ZNF136: variants seen among roughly 807,000 people sequenced by gnomAD.
ZNF136 encodes the protein zinc finger protein 136 (clone pHZ-20).
In ZNF136, 8 loss-of-function variants were observed where a neutral mutation model predicts 11.4. The ratio of observed to expected loss-of-function variants is 0.70; its 90% CI spans 0.41 to 1.27. The LOEUF (loss-of-function observed/expected upper bound fraction) is 1.27, where lower values mean the gene tolerates loss of function less well. Among genes scored for constraint, ZNF136 ranks in the 50% most tolerant of loss-of-function variants. The pLI, the probability that ZNF136 is intolerant of heterozygous loss-of-function variation, is 0.01. For synonymous variants in ZNF136, 190 were observed against 207.1 expected (o/e 0.92, Z 0.71); for missense variants, 590 against 656.5 (o/e 0.90, Z 1.11).
At chr19:12,166,881 G>C (rs1001445076) in intron 1 of ZNF136, among the ~76,000 whole-genome samples, 4 of 152,174 alleles carry the variant, frequency 2.6e-5, no homozygotes, top group Admixed American at 2.0e-4. Context: ...CTTGACTGGG[G>C]TGCAGAGGCC....
intron 1 of ZNF136, among the ~76,000 whole-genome samples, chr19:12,171,388 A>G (rs1914650174): frequency 6.6e-6 from 1 of 152,184 alleles, no homozygotes; most frequent in Admixed American, 6.6e-5. Flanking sequence ...CTGACCATGT[A>G]TGCATGTGTA....
rs1915189805 is a variant in ZNF136 at position 12,188,958 on chromosome 19, T to G, written c.*957T>G. On this transcript the variant is annotated 3_prime_UTR_variant, in exon 4 of 4. Transcript: ENST00000343979. The stretch of plus-strand genomic sequence containing the variant: ...TATTTTGTTAATTAGTGGCTCATAT[T>G]TAAAATAGTTCTCTGACTATGGATT... The G allele has an allele frequency of 6.6e-6, 1 of 152,236 alleles. No individual in the cohort carries two copies. The highest frequency in any genetic ancestry group is 6.5e-5 in the Admixed American group (1 of 15,284). 9.4% of individuals were successfully genotyped at this position (152,236 alleles called of 1,614,324 possible).
chr19:12,187,884 A>T lies in ZNF136; in HGVS notation c.1506A>T (p.Lys502Asn). 1 of 1,600,434 alleles carries T rather than the reference A, an allele frequency of 6.2e-7. No individual in the cohort carries two copies. Among genetic ancestry groups the T allele is most frequent in the Non-Finnish European group, 8.5e-7 (1 of 1,175,788 alleles). ...RLHERTHTGQKPYHCKECGKA... is the reference protein window; with the variant it reads ...RLHERTHTGQNPYHCKECGKA... The stretch of plus-strand genomic sequence containing the variant: ...ATGAAAGGACTCACACTGGACAGAA[A>T]CCCTATCATTGCAAGGAATGTGGGA... The change falls in exon 4 of 4, where the codon AAA becomes AAT. Residue 502 changes from lysine to asparagine, a missense_variant. Transcript: ENST00000343979.
intron 1 of ZNF136, 137 bp from the exon 2 acceptor site, chr19:12,185,648 A>C: frequency 9.1e-7 from 1 of 1,098,816 alleles, no homozygotes; most frequent in Non-Finnish European, 1.3e-6. Flanking sequence ...GTGTGGAAGG[A>C]AGTGAGTATG....
chr19:12,179,303 CTT>C, intron 1 of ZNF136, among the ~76,000 whole-genome samples: 2 of 141,406 alleles, frequency 1.4e-5, no homozygotes, highest in South Asian at 2.3e-4. Context: ...AAAAGAATTT[CTT>C]TTTTTTTTTT....
At chr19:12,181,251 C>T (rs891002477) in intron 1 of ZNF136, among the ~76,000 whole-genome samples, 1 of 152,058 alleles carries the variant, frequency 6.6e-6, no homozygotes, top group Non-Finnish European at 1.5e-5. Context: ...CTGGAGGGGC[C>T]CAGGCCTCCT....
intron 1 of ZNF136, among the ~76,000 whole-genome samples, chr19:12,163,430 C>T (rs1456104741): frequency 6.6e-6 from 1 of 152,244 alleles, no homozygotes; most frequent in East Asian, 1.9e-4. Flanking sequence ...GATTGCGGCC[C>T]CGGCCCCGAA....
rs766952855 is a variant in ZNF136 at position 12,187,147 on chromosome 19, T to C, written c.769T>C (p.Cys257Arg). The C allele has an allele frequency of 6.2e-7, 1 of 1,614,136 alleles. No homozygotes were observed. The highest frequency in any genetic ancestry group is 8.5e-7 in the Non-Finnish European group (1 of 1,180,016). ...TGDGPYKCKV[C>R]GKPFHSLSSF... ...AGATGGACCTTATAAATGTAAGGTA[T>C]GTGGGAAACCCTTTCATTCTCTGAG... The change falls in exon 4 of 4, where the codon TGT (cysteine) becomes CGT (arginine). Residue 257 changes from cysteine (C) to arginine (R), a missense_variant. Physicochemically the swap from Cys to Arg is radical, Grantham distance 180. Coordinates refer to ENST00000343979, the MANE Select transcript of ZNF136 (RefSeq NM_003437.5).
intron 1 of ZNF136, chr19:12,184,557 A>T (rs1019942636): frequency 1.0e-5 from 1 of 96,348 alleles, no homozygotes; most frequent in Non-Finnish European, 2.0e-5. Flanking sequence ...GACTCCGTCT[A>T]AAAAAAAAAA....
chr19:12,184,869 C>T (rs1260511291), intron 1 of ZNF136: 1 of 152,144 alleles, frequency 6.6e-6, no homozygotes, highest in Non-Finnish European at 1.5e-5. Flanking sequence ...TTACATAGGT[C>T]ATTGGGCTCC....
At position 12,188,804 on chromosome 19, in the gene ZNF136, A is replaced by G. The variant is rs1455707171; in HGVS notation, c.*803A>G. 6.6e-6 allele frequency: 1 copy of G among 152,150 alleles called. No individual in the cohort carries two copies. The highest frequency in any genetic ancestry group is 1.5e-5 in the Non-Finnish European group (1 of 68,026). The allele number at this position is 152,150 out of a possible 1,614,324, so 9.4% of individuals were successfully genotyped here. On this transcript the variant is annotated 3_prime_UTR_variant, in exon 4 of 4. Transcript: ENST00000343979. The stretch of plus-strand genomic sequence containing the variant: ...AAGACCTCATCTCAGAAAAAAAAAA[A>G]AAGTCATTTGAAAACTTCTAATACA...
intron 1 of ZNF136, among the ~76,000 whole-genome samples, chr19:12,166,274 AT>A (rs1194292841): frequency 3.3e-5 from 5 of 152,056 alleles, no homozygotes; most frequent in African/African-American, 1.2e-4. Context: ...ACAAATTCTT[AT>A]TTTCTTTTAT....
At position 12,183,152 on chromosome 19, in the gene ZNF136, T is replaced by G. The variant is rs187380323; in HGVS notation, c.4-2633T>G. ...GTTGTTGTTGTTGTTGTTTTGTTTTTTTTTGGTTTGTTTGTTTGAGACACA... is the reference window on the plus strand; with the variant it reads ...GTTGTTGTTGTTGTTGTTTTGTTTTGTTTTGGTTTGTTTGTTTGAGACACA... On this transcript the variant is annotated intron_variant, in intron 1 of 3. Transcript: ENST00000343979. Among the ~76,000 whole-genome samples, 367 of 152,216 alleles carry G rather than the reference T, an allele frequency of 2.4e-3. 8 individuals carry two copies. The East Asian group carries it at 0.05, about 21-fold the overall frequency.
Position 12,186,592 on chromosome 19 carries a change from T to A in ZNF136, c.214T>A (p.Tyr72Asn). 6.2e-7 allele frequency: 1 copy of A among 1,612,734 alleles called. No homozygotes were observed. Among genetic ancestry groups the A allele is most frequent in the Non-Finnish European group, 8.5e-7 (1 of 1,179,242 alleles). ...CAGAAGTCATATGTTAGAAAGACTC[T>A]ATCAAACTAAGGATGGTAGTCAGCG... ...NLRSHMLERL[Y>N]QTKDGSQRGG... Residue 72 changes from tyrosine (Y) to asparagine (N), a missense_variant, in exon 4 of 4, where the codon TAT becomes AAT. Coordinates refer to ENST00000343979, the MANE Select transcript of ZNF136 (RefSeq NM_003437.5).
chr19:12,187,722 T>C lies in ZNF136; in HGVS notation c.1344T>C (p.Tyr448=), dbSNP rs1407824670. The C allele has an allele frequency of 1.2e-6, 2 of 1,613,786 alleles. No homozygotes were observed. The highest frequency in any genetic ancestry group is 2.2e-5 in the East Asian group (1 of 44,852). Residue 448 remains tyrosine, a synonymous_variant, in exon 4 of 4, where the codon TAT becomes TAC. Coordinates refer to ENST00000343979, the MANE Select transcript of ZNF136 (RefSeq NM_003437.5). ...HERTHTGEKP[Y]ECKQCGKAFS... ...GAACTCATACTGGAGAGAAACCCTATGAGTGTAAGCAATGTGGGAAAGCCT... is the reference window on the plus strand; with the variant it reads ...GAACTCATACTGGAGAGAAACCCTACGAGTGTAAGCAATGTGGGAAAGCCT...
chr19:12,176,470 G>C (rs1379672983), intron 1 of ZNF136, among the ~76,000 whole-genome samples: 1 of 152,002 alleles, frequency 6.6e-6, no homozygotes, highest in Non-Finnish European at 1.5e-5. Flanking sequence ...GGGATTACAG[G>C]CGCTTGCCAC....
At chr19:12,186,530 A>G (rs1464238903) in intron 3 of ZNF136, 40 bp from the exon 4 acceptor site, 2 of 1,475,936 alleles carry the variant, frequency 1.4e-6, no homozygotes, top group Non-Finnish European at 1.8e-6. Flanking sequence ...ATATAAAATG[A>G]TTAACAAATC....
chr19:12,175,211 G>A (rs1241360648), intron 1 of ZNF136, among the ~76,000 whole-genome samples: 1 of 150,362 alleles, frequency 6.7e-6, no homozygotes, highest in African/African-American at 2.4e-5. Flanking sequence ...TTTTTTTTGG[G>A]GGGGACAGAG....
chr19:12,173,987 C>A (rs990410520), intron 1 of ZNF136, among the ~76,000 whole-genome samples: 1 of 152,060 alleles, frequency 6.6e-6, no homozygotes, highest in African/African-American at 2.4e-5. Context: ...CTCACTGCAA[C>A]CTCTGCCTCT....
Sources: allele counts gnomAD v4.1 joint callset (sites outside exome capture counted in the v4.1 genomes callset), GRCh38; gene constraint gnomAD v4.1.1; transcripts MANE v1.5; gene names NCBI Gene and HGNC (gene_info 2026-07-23, HGNC 2026-07-21).